Variants in ANKS1B observed in about 807,000 individuals in gnomAD.
The protein encoded by ANKS1B is ankyrin repeat and sterile alpha motif domain-containing protein 1B.
In ANKS1B, 36 loss-of-function variants were observed where a neutral mutation model predicts 148.3. The ratio of observed to expected loss-of-function variants is 0.24; its 90% CI spans 0.19 to 0.32. The LOEUF (loss-of-function observed/expected upper bound fraction) is 0.32. Among genes scored for constraint, ANKS1B ranks in the 10% least tolerant of loss-of-function variants. ANKS1B has a pLI of 1.00. For missense variants in ANKS1B, 1,157 were observed against 1,542.6 expected, an observed-to-expected ratio of 0.75 and a Z score of 4.19; for synonymous variants, 542 against 560.8, an observed-to-expected ratio of 0.97 and a Z score of 0.47.
chr12:99,710,953 T>C (rs571649933), intron 8 of ANKS1B, among the ~76,000 whole-genome samples: 3 of 152,126 alleles, frequency 2.0e-5, no homozygotes, highest in Admixed American at 6.6e-5. Flanking sequence ...TTAAATAATC[T>C]CTCAACTCCT....
chr12:99,621,195 C>G (rs1384339423), intron 9 of ANKS1B, among the ~76,000 whole-genome samples: 1 of 151,996 alleles, frequency 6.6e-6, no homozygotes, highest in Non-Finnish European at 1.5e-5. Flanking sequence ...GACAAGCAAG[C>G]ACTAATGGAA....
At chr12:98,735,402 AAAT>A in exon 10 of ANKS1B, 1 of 426,934 alleles carries the variant, frequency 2.3e-6, no homozygotes. Context: ...ATTTTTGTAA[AAAT>A]AAAATTCACA....
At chr12:99,069,584 C>G (rs1353870481) in intron 16 of ANKS1B, among the ~76,000 whole-genome samples, 1 of 152,128 alleles carries the variant, frequency 6.6e-6, no homozygotes, top group East Asian at 1.9e-4. Context: ...CCTTAGAAAT[C>G]ATTTAAAGTG....
intron 14 of ANKS1B, among the ~76,000 whole-genome samples, chr12:99,213,975 G>T (rs1181937739): frequency 2.0e-5 from 3 of 152,212 alleles, no homozygotes; most frequent in African/African-American, 7.2e-5. Flanking sequence ...GGACAATACT[G>T]TGTGGAAAAA....
chr12:99,078,571 C>A (rs991660462), intron 16 of ANKS1B, among the ~76,000 whole-genome samples: 6 of 152,156 alleles, frequency 3.9e-5, no homozygotes, highest in African/African-American at 1.4e-4. Flanking sequence ...GCTCTTAAAT[C>A]ATCTGACTGT....
chr12:99,849,854 T>C (rs940044728), intron 1 of ANKS1B, among the ~76,000 whole-genome samples: 6 of 152,140 alleles, frequency 3.9e-5, no homozygotes, highest in East Asian at 1.9e-4. Context: ...GTTTCTGAGA[T>C]GCTAGCAATA....
chr12:98,961,255 A>T (rs1171863730), intron 17 of ANKS1B, among the ~76,000 whole-genome samples: 1 of 152,148 alleles, frequency 6.6e-6, no homozygotes, highest in East Asian at 1.9e-4. Context: ...GGAAGAAATA[A>T]TATAAATAGA....
intron 1 of ANKS1B, among the ~76,000 whole-genome samples, chr12:99,854,156 T>A (rs2088556566): frequency 6.6e-6 from 1 of 152,058 alleles, no homozygotes; most frequent in African/African-American, 2.4e-5. Context: ...GGACTACAGG[T>A]GCCCACCACC....
chr12:98,921,586 C>A (rs971199038), intron 17 of ANKS1B, among the ~76,000 whole-genome samples: 1 of 152,164 alleles, frequency 6.6e-6, no homozygotes, highest in African/African-American at 2.4e-5. Context: ...GAACATCACC[C>A]CACTTCCATG....
At chr12:99,622,477 TA>T (rs377453743) in intron 9 of ANKS1B, among the ~76,000 whole-genome samples, 2 of 151,326 alleles carry the variant, frequency 1.3e-5, no homozygotes, top group East Asian at 1.9e-4. Flanking sequence ...GGATAAAGGA[TA>T]AAAAAATCAA....
At chr12:99,041,144 T>C (rs1472905049) in intron 17 of ANKS1B, among the ~76,000 whole-genome samples, 2 of 152,076 alleles carry the variant, frequency 1.3e-5, no homozygotes, top group Non-Finnish European at 2.9e-5. Context: ...TTGAGCAAGA[T>C]TGACAATTAA....
intron 3 of ANKS1B, among the ~76,000 whole-genome samples, chr12:99,807,337 G>C (rs1254633094): frequency 2.0e-5 from 3 of 152,148 alleles, no homozygotes; most frequent in African/African-American, 7.2e-5. Flanking sequence ...AACATGTGCA[G>C]CTTATAAGGG....
At chr12:99,554,243 A>G (rs572678571) in intron 9 of ANKS1B, among the ~76,000 whole-genome samples, 22 of 152,334 alleles carry the variant, frequency 1.4e-4, no homozygotes, top group African/African-American at 4.3e-4. Context: ...TGAGAAGTCT[A>G]TGAGATACTG....
chr12:99,239,729 C>T (rs1290748502), intron 14 of ANKS1B, among the ~76,000 whole-genome samples: 1 of 152,204 alleles, frequency 6.6e-6, no homozygotes, highest in African/African-American at 2.4e-5. Context: ...TTGGCAGAAA[C>T]ATTACAAGCA....
intron 15 of ANKS1B, among the ~76,000 whole-genome samples, chr12:99,102,569 C>T (rs1442398373): frequency 6.6e-6 from 1 of 152,068 alleles, no homozygotes; most frequent in Admixed American, 6.5e-5. Context: ...CATAGGAAAA[C>T]CCCATCTCTA....
intron 9 of ANKS1B, among the ~76,000 whole-genome samples, chr12:99,542,670 C>T (rs2097137635): frequency 1.3e-5 from 2 of 151,932 alleles, no homozygotes; most frequent in Non-Finnish European, 1.5e-5. Flanking sequence ...TCAAAGACTA[C>T]TAAAAAGCTA....
chr12:98,923,380 T>G (rs1415271494), intron 17 of ANKS1B, among the ~76,000 whole-genome samples: 2 of 152,174 alleles, frequency 1.3e-5, no homozygotes. Flanking sequence ...CCGTCTCAGG[T>G]AGTCTGTTCT....
At position 99,352,305 on chromosome 12, in the gene ANKS1B, A is replaced by C. The variant is rs192641238; in HGVS notation, c.1756+47326T>G. Among the ~76,000 whole-genome samples, 145 of 152,196 alleles carry C rather than the reference A, an allele frequency of 9.5e-4. 1 individual carries two copies. The highest frequency in any genetic ancestry group is 1.7e-3 in the Non-Finnish European group (116 of 67,982). Reference sequence around the variant, plus strand: ...TTTAATAAATACTTGTTGGATGAACAAGTGAATGTGTACGTTCTCATAATG... The same window carrying C: ...TTTAATAAATACTTGTTGGATGAACCAGTGAATGTGTACGTTCTCATAATG... On this transcript the variant is annotated intron_variant, in intron 12 of 26. Coordinates refer to ENST00000683438, the MANE Select transcript of ANKS1B (RefSeq NM_001352186.2).
At chr12:99,395,163 A>G (rs1419081042) in intron 12 of ANKS1B, among the ~76,000 whole-genome samples, 1 of 152,062 alleles carries the variant, frequency 6.6e-6, no homozygotes, top group Non-Finnish European at 1.5e-5. Flanking sequence ...CAATGCTACA[A>G]TTGCCTTCTA....
Sources: gnomAD v4.1 joint callset for allele counts (sites outside exome capture counted in the v4.1 genomes callset) on GRCh38, gnomAD v4.1.1 for gene constraint, MANE v1.5 for transcripts, NCBI Gene and HGNC (gene_info 2026-07-23, HGNC 2026-07-21) for gene names.